TTLL5: variants seen among roughly 807,000 people sequenced by gnomAD.
TTLL5 encodes tubulin polyglutamylase TTLL5.
Under a neutral mutation model 168.4 loss-of-function variants are expected in TTLL5, and 132 were observed. The ratio of observed to expected loss-of-function variants is 0.78; its 90% CI spans 0.68 to 0.91. TTLL5 has a LOEUF of 0.91. Among genes scored for constraint, TTLL5 ranks in the 40% least tolerant of loss-of-function variants. The pLI is 0.00. For missense variants in TTLL5, 1,545 were observed against 1,581.5 expected, an observed-to-expected ratio of 0.98 and a Z score of 0.39; for synonymous variants, 546 against 558.6, an observed-to-expected ratio of 0.98 and a Z score of 0.32.
intron 17 of TTLL5, among the ~76,000 whole-genome samples, chr14:75,748,385 A>G (rs906687634): frequency 4.7e-5 from 7 of 150,186 alleles, no homozygotes; most frequent in Non-Finnish European, 7.4e-5. Flanking sequence ...CAGTTTTTTC[A>G]ATGCTTTTGT....
At chr14:75,881,985 G>A (rs996391795) in intron 29 of TTLL5, among the ~76,000 whole-genome samples, 1 of 152,154 alleles carries the variant, frequency 6.6e-6, no homozygotes, top group African/African-American at 2.4e-5. Context: ...TACCCTCTGA[G>A]CAAAAATATC....
intron 31 of TTLL5, among the ~76,000 whole-genome samples, chr14:75,931,852 C>T (rs1250662711): frequency 6.6e-6 from 1 of 152,136 alleles, no homozygotes; most frequent in Non-Finnish European, 1.5e-5. Flanking sequence ...CCTGTAGCAC[C>T]CTTTGCCTTC....
At chr14:75,868,480 C>A (rs1378009841) in intron 29 of TTLL5, among the ~76,000 whole-genome samples, 1 of 152,188 alleles carries the variant, frequency 6.6e-6, no homozygotes, top group Non-Finnish European at 1.5e-5. Flanking sequence ...TTTCCCTTCC[C>A]ACCATGTCCA....
At chr14:75,698,670 AGGT>A (rs1344650463) in intron 6 of TTLL5, among the ~76,000 whole-genome samples, 1 of 152,146 alleles carries the variant, frequency 6.6e-6, no homozygotes, top group African/African-American at 2.4e-5. Context: ...TGGGAGGCTG[AGGT>A]GGGAGGATTG....
At chr14:75,939,245 G>GT (rs2034523809) in intron 31 of TTLL5, among the ~76,000 whole-genome samples, 1 of 152,220 alleles carries the variant, frequency 6.6e-6, no homozygotes, top group African/African-American at 2.4e-5. Flanking sequence ...AAAAGTAAGT[G>GT]TAAGTATTAT....
chr14:75,714,011 C>G (rs985265369), intron 9 of TTLL5, among the ~76,000 whole-genome samples: 1 of 151,688 alleles, frequency 6.6e-6, no homozygotes, highest in Admixed American at 6.6e-5. Flanking sequence ...TTGTATTTAG[C>G]CGTCGGGTCT....
intron 27 of TTLL5, among the ~76,000 whole-genome samples, chr14:75,804,759 C>T (rs1169854107): frequency 6.6e-6 from 1 of 152,196 alleles, no homozygotes; most frequent in Non-Finnish European, 1.5e-5. Context: ...TTTAACCTCC[C>T]TGTGCCTTGA....
At chr14:75,889,744 C>T (rs1490659354) in intron 30 of TTLL5, among the ~76,000 whole-genome samples, 5 of 149,390 alleles carry the variant, frequency 3.3e-5, no homozygotes, top group East Asian at 2.0e-4. Context: ...GCATGAGAAT[C>T]GCTCGAGCCT....
intron 4 of TTLL5, among the ~76,000 whole-genome samples, chr14:75,682,206 AC>A (rs769866086): frequency 0.013 from 2,002 of 151,014 alleles, 18 homozygotes; most frequent in Non-Finnish European, 0.021. Context: ...AAAAAAAAAA[AC>A]AAACCCAAAA....
At chr14:75,705,620 G>A (rs1886599487) in intron 7 of TTLL5, among the ~76,000 whole-genome samples, 1 of 152,116 alleles carries the variant, frequency 6.6e-6, no homozygotes, top group Non-Finnish European at 1.5e-5. Context: ...TGCCTCATGG[G>A]GTTGGGTGAG....
At chr14:75,696,541 G>A (rs1885888879) in intron 6 of TTLL5, among the ~76,000 whole-genome samples, 1 of 152,098 alleles carries the variant, frequency 6.6e-6, no homozygotes, top group African/African-American at 2.4e-5. Flanking sequence ...ATATTCAGTG[G>A]CCTCACTTTA....
intron 21 of TTLL5, 146 bp downstream of exon 21, chr14:75,772,000 A>G: frequency 1.1e-6 from 1 of 914,556 alleles, no homozygotes; most frequent in South Asian, 2.0e-5. Flanking sequence ...TTTCTTATAA[A>G]TCTATACTTA....
chr14:75,742,952 A>G (rs568294413), intron 15 of TTLL5, among the ~76,000 whole-genome samples: 1 of 152,290 alleles, frequency 6.6e-6, no homozygotes, highest in South Asian at 2.1e-4. Context: ...TTTAACATCT[A>G]CTGTTTAATT....
chr14:75,787,731 T>A (rs1043747736), intron 26 of TTLL5, among the ~76,000 whole-genome samples: 1 of 152,338 alleles, frequency 6.6e-6, no homozygotes, highest in African/African-American at 2.4e-5. Context: ...TTTATAAAAA[T>A]CTGTCATACC....
chr14:75,773,927 T>TATATATATATATATAGAGAGAG (rs1354936334), intron 21 of TTLL5, among the ~76,000 whole-genome samples: 1 of 21,130 alleles, frequency 4.7e-5, no homozygotes, highest in African/African-American at 1.5e-4. Context: ...TATATATATA[T>TATATATATATATATAGAGAGAG]AGAGAGAGAG....
At chr14:75,773,741 T>G (rs1236913713) in intron 21 of TTLL5, among the ~76,000 whole-genome samples, 1 of 150,882 alleles carries the variant, frequency 6.6e-6, no homozygotes, top group Non-Finnish European at 1.5e-5. Context: ...TACAAAAAAA[T>G]TAGCTGGGTG....
At chr14:75,897,207 G>C (rs2032706606) in intron 30 of TTLL5, among the ~76,000 whole-genome samples, 1 of 152,122 alleles carries the variant, frequency 6.6e-6, no homozygotes, top group South Asian at 2.1e-4. Flanking sequence ...AAGATGAGTA[G>C]ATAGATGTGA....
At chr14:75,773,927 T>TATATATATATAG (rs1354936334) in intron 21 of TTLL5, among the ~76,000 whole-genome samples, 17 of 21,126 alleles carry the variant, frequency 8.0e-4, no homozygotes, top group Non-Finnish European at 1.3e-3. Context: ...TATATATATA[T>TATATATATATAG]AGAGAGAGAG....
intron 18 of TTLL5, among the ~76,000 whole-genome samples, chr14:75,762,639 C>A (rs1197523591): frequency 6.6e-6 from 1 of 152,126 alleles, no homozygotes; most frequent in Non-Finnish European, 1.5e-5. Flanking sequence ...ATTCCCTATC[C>A]TCTATCCCTT....
Sources: gnomAD v4.1 joint callset for allele counts (sites outside exome capture counted in the v4.1 genomes callset) on GRCh38, gnomAD v4.1.1 for gene constraint, MANE v1.5 for transcripts, NCBI Gene and HGNC (gene_info 2026-07-23, HGNC 2026-07-21) for gene names.